MIA2: variants seen among roughly 807,000 people sequenced by gnomAD.
The protein encoded by MIA2 is MIA SH3 domain ER export factor 2.
Under a neutral mutation model 167.8 loss-of-function variants are expected in MIA2, and 127 were observed. That is an observed-to-expected ratio of 0.76 (90% confidence interval 0.66 to 0.88). MIA2 has a LOEUF of 0.88. MIA2 is among the 40% of genes least tolerant of loss of function. The pLI is 0.00. For missense variants in MIA2, 1,690 were observed against 1,624.7 expected (o/e 1.04, Z -0.69); for synonymous variants, 552 against 541.9 (o/e 1.02, Z -0.26).
chr14:39,330,079 G>T (rs201249645), intron 25 of MIA2, among the ~76,000 whole-genome samples: 2 of 152,256 alleles, frequency 1.3e-5, no homozygotes, highest in East Asian at 3.9e-4. Context: ...GTAGAATTTG[G>T]CTGTGAATCC....
Position 39,246,971 on chromosome 14 carries a change from T to G in MIA2, c.397T>G (p.Leu133Val). The stretch of plus-strand genomic sequence containing the variant: ...CACATTTGACAATGAAGATAGTGAA[T>G]TAAACGGTGATTATGGTGAAAATAT... ...SYTFDNEDSE[L>V]NGDYGENIYP... The change falls in exon 4 of 29, where the codon TTA becomes GTA. Residue 133 changes from leucine (L) to valine (V), a missense_variant. Transcript: ENST00000640607. 1 of 1,546,820 alleles carries G rather than the reference T, an allele frequency of 6.5e-7. No individual in the cohort carries two copies. The highest frequency in any genetic ancestry group is 8.7e-7 in the Non-Finnish European group (1 of 1,153,660).
intron 18 of MIA2, among the ~76,000 whole-genome samples, chr14:39,312,331 G>T (rs1246027526): frequency 6.6e-6 from 1 of 152,200 alleles, no homozygotes; most frequent in South Asian, 2.1e-4. Context: ...TCGCACTTTC[G>T]TGCTTTTCCT....
At chr14:39,375,077 A>C (rs921706568) in intron 23 of MIA2, among the ~76,000 whole-genome samples, 3 of 150,212 alleles carry the variant, frequency 2.0e-5, no homozygotes, top group African/African-American at 7.4e-5. Flanking sequence ...GAAATGTGTA[A>C]TCAGGAAATA....
chr14:39,285,216 T>G (rs938053669), intron 9 of MIA2, among the ~76,000 whole-genome samples: 6 of 152,092 alleles, frequency 3.9e-5, no homozygotes, highest in African/African-American at 1.4e-4. Context: ...CCTTTTCTAT[T>G]CCACAAAACC....
intron 6 of MIA2, chr14:39,266,851 G>A: frequency 1.6e-6 from 1 of 635,340 alleles, no homozygotes; most frequent in Non-Finnish European, 2.0e-6. Flanking sequence ...GGGGGGTGGG[G>A]GTTGCGCCGA....
chr14:39,325,965 C>T (rs7144848), intron 24 of MIA2, among the ~76,000 whole-genome samples: 40,973 of 151,248 alleles, frequency 0.27, 5,765 homozygotes, highest in East Asian at 0.5. Context: ...CCACCCTCCT[C>T]GACCTCCCAA....
At chr14:39,236,091 A>C (rs1169045035) in intron 1 of MIA2, among the ~76,000 whole-genome samples, 5 of 152,180 alleles carry the variant, frequency 3.3e-5, no homozygotes, top group Admixed American at 6.5e-5. Flanking sequence ...GGTGCTATGC[A>C]TGTAAGGGAA....
At chr14:39,366,062 A>C (rs2074816280) in intron 23 of MIA2, among the ~76,000 whole-genome samples, 1 of 152,120 alleles carries the variant, frequency 6.6e-6, no homozygotes, top group African/African-American at 2.4e-5. Context: ...GCAGTAGTGT[A>C]GTCTCTATGC....
At chr14:39,313,190 C>G (rs541880019) in intron 18 of MIA2, 150 bp from the exon 19 acceptor site, 32 of 415,976 alleles carry the variant, frequency 7.7e-5, no homozygotes, top group Middle Eastern at 7.0e-4. Flanking sequence ...AATATTTACA[C>G]AGATACTTTT....
intron 23 of MIA2, among the ~76,000 whole-genome samples, chr14:39,371,192 T>C (rs1051687366): frequency 1.3e-5 from 2 of 152,224 alleles, no homozygotes; most frequent in Non-Finnish European, 2.9e-5. Context: ...TTTAAAAGGA[T>C]TTTTAAATAT....
chr14:39,256,168 G>A (rs1461097722), intron 6 of MIA2, among the ~76,000 whole-genome samples: 1 of 152,156 alleles, frequency 6.6e-6, no homozygotes, highest in Non-Finnish European at 1.5e-5. Flanking sequence ...TGCTTACATA[G>A]ACATGGACTC....
chr14:39,286,592 T>G (rs2059825413), intron 9 of MIA2, among the ~76,000 whole-genome samples: 1 of 152,230 alleles, frequency 6.6e-6, no homozygotes, highest in East Asian at 1.9e-4. Context: ...GATGACATCT[T>G]TTGGGTTTTC....
chr14:39,292,406 T>C (rs2060858466), intron 10 of MIA2, among the ~76,000 whole-genome samples: 1 of 152,192 alleles, frequency 6.6e-6, no homozygotes, highest in East Asian at 1.9e-4. Context: ...AGTAATTTTT[T>C]AGCATAGTAT....
At chr14:39,360,321 A>G (rs2074652656) in intron 23 of MIA2, among the ~76,000 whole-genome samples, 1 of 152,190 alleles carries the variant, frequency 6.6e-6, no homozygotes, top group Non-Finnish European at 1.5e-5. Context: ...TAACTGTGGT[A>G]AGATGATATC....
intron 25 of MIA2, among the ~76,000 whole-genome samples, chr14:39,335,263 T>TA (rs578249700): frequency 2.0e-5 from 3 of 152,150 alleles, no homozygotes; most frequent in Admixed American, 1.3e-4. Flanking sequence ...ATACTTATGT[T>TA]AAAAAAATAT....
At chr14:39,243,740 CCT>C (rs1193558615) in intron 3 of MIA2, among the ~76,000 whole-genome samples, 2 of 152,238 alleles carry the variant, frequency 1.3e-5, no homozygotes, top group East Asian at 3.9e-4. Context: ...GTGATGTGCG[CCT>C]GTTTTCCCAG....
chr14:39,284,125 G>T (rs2059311713), intron 9 of MIA2, among the ~76,000 whole-genome samples: 1 of 152,038 alleles, frequency 6.6e-6, no homozygotes, highest in Admixed American at 6.6e-5. Flanking sequence ...ATAAATTATT[G>T]CCAAGGCCAG....
At chr14:39,269,484 T>A (rs1399442557) in intron 6 of MIA2, among the ~76,000 whole-genome samples, 1 of 152,098 alleles carries the variant, frequency 6.6e-6, no homozygotes, top group Non-Finnish European at 1.5e-5. Flanking sequence ...GGCTTATCCA[T>A]GTTGTAGCAT....
At chr14:39,242,324 ATT>A (rs56734587) in intron 3 of MIA2, among the ~76,000 whole-genome samples, 2 of 141,270 alleles carry the variant, frequency 1.4e-5, no homozygotes, top group Non-Finnish European at 3.1e-5. Flanking sequence ...TACTTATTGC[ATT>A]TTTTTTTTTT....
Sources: gnomAD v4.1 joint callset for allele counts (sites outside exome capture counted in the v4.1 genomes callset) on GRCh38, gnomAD v4.1.1 for gene constraint, MANE v1.5 for transcripts, NCBI Gene and HGNC (gene_info 2026-07-23, HGNC 2026-07-21) for gene names.